The following ASXL2 variants were observed in gnomAD, a reference collection of about 807,000 sequenced individuals.
The protein encoded by ASXL2 is putative Polycomb group protein ASXL2.
In ASXL2, 23 loss-of-function variants were observed where a neutral mutation model predicts 122.0. The observed-to-expected ratio is 0.19, with a 90% CI of 0.14 to 0.27. The LOEUF (loss-of-function observed/expected upper bound fraction) is 0.27, where lower values mean the gene tolerates loss of function less well. Among genes scored for constraint, ASXL2 ranks in the 10% least tolerant of loss-of-function variants. The probability of loss-of-function intolerance (pLI) is 1.00; values close to 1 mark genes in which losing one functional copy is unlikely to be tolerated. For missense variants in ASXL2, 1,518 were observed against 1,713.8 expected (o/e 0.89, Z 2.02); for synonymous variants, 650 against 637.0 (o/e 1.02, Z -0.31).
intron 1 of ASXL2, among the ~76,000 whole-genome samples, chr2:25,869,561 C>A (rs983457308): frequency 1.3e-5 from 2 of 152,174 alleles, no homozygotes; most frequent in Middle Eastern, 6.8e-3. Flanking sequence ...GTGGCTCATG[C>A]CTGTAATCCC....
intron 2 of ASXL2, among the ~76,000 whole-genome samples, chr2:25,838,003 C>T (rs545516038): frequency 7.3e-5 from 11 of 150,864 alleles, no homozygotes; most frequent in African/African-American, 1.9e-4. Flanking sequence ...CGGTGGCGCA[C>T]GCCTGTGGTC....
In ASXL2 at chr2:25,785,631, C is replaced by T. The variant is rs527449035; in HGVS notation, c.403+13754G>A. Among the ~76,000 whole-genome samples the T allele has an allele frequency of 1.2e-4, 18 of 152,242 alleles. No homozygotes were observed. In the South Asian group the frequency reaches 3.5e-3, roughly 30 times the overall value. On this transcript the variant is annotated intron_variant, in intron 5 of 12. Coordinates refer to ENST00000435504, the MANE Select transcript of ASXL2 (RefSeq NM_018263.6). Reference sequence around the variant, plus strand: ...ATGCAATCTTGGCTCACTGCAACCTCCACCTCCCAGGTTCAAGCAATTCTC... The same window carrying T: ...ATGCAATCTTGGCTCACTGCAACCTTCACCTCCCAGGTTCAAGCAATTCTC...
At chr2:25,762,129 T>C (rs1376140317) in intron 8 of ASXL2, among the ~76,000 whole-genome samples, 1 of 152,016 alleles carries the variant, frequency 6.6e-6, no homozygotes, top group Non-Finnish European at 1.5e-5. Context: ...AAAATCAAGA[T>C]GGTTACTTTT....
At chr2:25,822,436 C>A in intron 3 of ASXL2, 1 of 347,326 alleles carries the variant, frequency 2.9e-6, no homozygotes, top group Non-Finnish European at 5.4e-6. Flanking sequence ...GAGGGCCGCC[C>A]ACCTGTTCGC....
intron 3 of ASXL2, chr2:25,810,567 G>T: frequency 1.4e-6 from 1 of 720,372 alleles, no homozygotes; most frequent in Non-Finnish European, 2.5e-6. Context: ...CTCGCTGGAG[G>T]TGCTCAGCTC....
chr2:25,846,107 C>T (rs547642808), intron 1 of ASXL2, among the ~76,000 whole-genome samples: 10 of 152,276 alleles, frequency 6.6e-5, no homozygotes, highest in Admixed American at 2.6e-4. Flanking sequence ...TTAAAGGCAG[C>T]CCAAAACCCG....
intron 2 of ASXL2, 44 bp downstream of exon 2, chr2:25,845,436 TG>T: frequency 7.4e-7 from 1 of 1,342,980 alleles, no homozygotes; most frequent in Non-Finnish European, 1.0e-6. Context: ...CCAAATACTC[TG>T]ATCAAGTATT....
In ASXL2 at chr2:25,742,970, G is replaced by T. The variant is rs2087859958; in HGVS notation, c.3367C>A (p.His1123Asn). 6.2e-7 allele frequency: 1 copy of T among 1,614,010 alleles called. No individual in the cohort carries two copies. Among genetic ancestry groups the T allele is most frequent in the Non-Finnish European group, 8.5e-7 (1 of 1,179,892 alleles). ...TAGGTAGAAATATTCAGTAAGTAGTGCCCTGCCATTGCAGGTTTGGATGTC... is the reference window on the plus strand; with the variant it reads ...TAGGTAGAAATATTCAGTAAGTAGTTCCCTGCCATTGCAGGTTTGGATGTC... The part of the protein sequence containing the change: ...RRTSKPAMAG[H>N]YLLNISTYGR... Residue 1123 changes from histidine to asparagine, a missense_variant, in exon 13 of 13, where the codon CAC (histidine) becomes AAC (asparagine). This residue lies in a region of ASXL2 where 831 missense variants were observed against 833.1 expected (regional missense o/e 1.00). Coordinates refer to ENST00000435504, the MANE Select transcript of ASXL2 (RefSeq NM_018263.6).
chr2:25,828,526 A>AG (rs55880795), intron 3 of ASXL2, among the ~76,000 whole-genome samples: 21 of 146,564 alleles, frequency 1.4e-4, no homozygotes, highest in Non-Finnish European at 2.7e-4. Flanking sequence ...AAAAATAAAA[A>AG]GAAAAGATCC....
chr2:25,751,223 G>A (rs1001356793), intron 11 of ASXL2, among the ~76,000 whole-genome samples: 1 of 152,204 alleles, frequency 6.6e-6, no homozygotes, highest in Non-Finnish European at 1.5e-5. Context: ...GTGCTTCTGA[G>A]ATGGAATGGT....
intron 1 of ASXL2, among the ~76,000 whole-genome samples, chr2:25,857,255 A>C (rs2089791591): frequency 6.6e-6 from 1 of 152,016 alleles, no homozygotes; most frequent in African/African-American, 2.4e-5. Context: ...ATTCTTGAGT[A>C]CCTTGGCTAG....
chr2:25,811,055 TACACACACACACACACACACAC>T (rs34006530), intron 3 of ASXL2, among the ~76,000 whole-genome samples: 7 of 116,358 alleles, frequency 6.0e-5, no homozygotes, highest in African/African-American at 1.7e-4. Context: ...AATACAAAAA[TACACACACACACACACACACAC>T]ACACACACAC....
Position 25,739,337 on chromosome 2 carries a change from G to A in ASXL2, c.*2692C>T, listed in dbSNP as rs2087787227. On this transcript the variant is annotated 3_prime_UTR_variant, in exon 13 of 13. Coordinates refer to ENST00000435504, the MANE Select transcript of ASXL2 (RefSeq NM_018263.6). ...TACTAATAAAGGTTTTGTTTCTACTGCTTCATTTTCTAAAAGGCCAGATTG... is the reference window on the plus strand; with the variant it reads ...TACTAATAAAGGTTTTGTTTCTACTACTTCATTTTCTAAAAGGCCAGATTG... 1 of 171,250 alleles carries A rather than the reference G, an allele frequency of 5.8e-6. No homozygotes were observed. The highest frequency in any genetic ancestry group is 2.4e-5 in the African/African-American group (1 of 41,612). 10.6% of individuals were successfully genotyped at this position (171,250 alleles called of 1,614,324 possible). A position where few individuals can be genotyped will look rare whatever the true frequency, so the allele number is the denominator to read the frequency against.
intron 4 of ASXL2, among the ~76,000 whole-genome samples, chr2:25,804,543 ACT>A (rs1397757695): frequency 3.3e-5 from 5 of 152,202 alleles, no homozygotes; most frequent in African/African-American, 7.2e-5. Context: ...ATGAGGAGAA[ACT>A]CTGACTGAGA....
intron 3 of ASXL2, among the ~76,000 whole-genome samples, chr2:25,807,904 C>T (rs2089106317): frequency 6.6e-6 from 1 of 151,792 alleles, no homozygotes; most frequent in Non-Finnish European, 1.5e-5. Flanking sequence ...ACTTTTCTCA[C>T]TTTCAGTCAT....
chr2:25,741,871 A>T lies in ASXL2; in HGVS notation c.*158T>A. ...ACAAGGTGCTCTTCCTCTAAAATGT[A>T]AAAAATCTGTACTTTGTATTCCTGA... On this transcript the variant is annotated 3_prime_UTR_variant, in exon 13 of 13. Transcript: ENST00000435504. The T allele has an allele frequency of 1.4e-6, 1 of 705,666 alleles. No homozygotes were observed. The highest frequency in any genetic ancestry group is 2.3e-6 in the Non-Finnish European group (1 of 438,034). 43.7% of individuals were successfully genotyped at this position (705,666 alleles called of 1,614,324 possible). A position where few individuals can be genotyped will look rare whatever the true frequency, so the allele number is the denominator to read the frequency against.
At chr2:25,802,435 C>A (rs545560902) in intron 4 of ASXL2, among the ~76,000 whole-genome samples, 3 of 152,228 alleles carry the variant, frequency 2.0e-5, no homozygotes, top group Admixed American at 2.0e-4. Context: ...GCCTAGAGCT[C>A]TTTTTAGCTG....
chr2:25,762,150 GAC>G (rs576639426), intron 8 of ASXL2, among the ~76,000 whole-genome samples: 167 of 151,948 alleles, frequency 1.1e-3, no homozygotes, highest in Non-Finnish European at 1.9e-3. Context: ...AAGAATTAAA[GAC>G]ATATCACATG....
rs184214281 is a variant in ASXL2, at chr2:25,745,876, C to T, written c.1861-1400G>A. On this transcript the variant is annotated intron_variant, in intron 12 of 12. Coordinates refer to ENST00000435504, the MANE Select transcript of ASXL2 (RefSeq NM_018263.6). ...GGCCAGGATGGTCTCGAACTCCTGA[C>T]TTCAAGTGATCCACCCACCTCGGCC... 9.9e-5 allele frequency among the ~76,000 whole-genome samples: 15 copies of T among 152,032 alleles called. No homozygotes were observed. The East Asian group carries it at 2.9e-3, about 30-fold the overall frequency.
Sources: gnomAD v4.1 joint callset for allele counts (sites outside exome capture counted in the v4.1 genomes callset) on GRCh38, gnomAD v4.1.1 for gene constraint, gnomAD v4.1.1 regional missense constraint, MANE v1.5 for transcripts, NCBI Gene and HGNC (gene_info 2026-07-23, HGNC 2026-07-21) for gene names.